Variants in FNBP1 observed in about 807,000 individuals in gnomAD.
FNBP1 encodes the protein formin-binding protein 1.
Under a neutral mutation model 90.6 loss-of-function variants are expected in FNBP1, and 26 were observed. The ratio of observed to expected loss-of-function variants is 0.29; its 90% CI spans 0.21 to 0.40. The LOEUF (loss-of-function observed/expected upper bound fraction) is 0.40. Ranked by LOEUF, FNBP1 falls within the 10% of genes least tolerant of loss-of-function variation. FNBP1 has a pLI of 1.00. For missense variants in FNBP1, 635 were observed against 768.0 expected (o/e 0.83, Z 2.05); for synonymous variants, 260 against 265.2 (o/e 0.98, Z 0.19).
chr9:130,002,390 G>A (rs1329258802), intron 1 of FNBP1, among the ~76,000 whole-genome samples: 4 of 152,062 alleles, frequency 2.6e-5, no homozygotes, highest in Non-Finnish European at 4.4e-5. Context: ...GGGCCTAATG[G>A]GAGGCCTTGG....
intron 8 of FNBP1, among the ~76,000 whole-genome samples, chr9:129,925,593 T>C (rs1428037057): frequency 4.6e-4 from 2 of 4,346 alleles, no homozygotes; most frequent in South Asian, 5.7e-3. Context: ...TAGTAGCTTT[T>C]TTTTTTTTTT....
chr9:129,945,196 A>G (rs1055731678), intron 6 of FNBP1, among the ~76,000 whole-genome samples: 1 of 152,172 alleles, frequency 6.6e-6, no homozygotes, highest in Non-Finnish European at 1.5e-5. Flanking sequence ...TTTCATTTGA[A>G]CCTTGATCCA....
intron 1 of FNBP1, among the ~76,000 whole-genome samples, chr9:130,009,170 A>G (rs980585960): frequency 6.6e-6 from 1 of 152,212 alleles, no homozygotes; most frequent in Non-Finnish European, 1.5e-5. Context: ...AGTTAACACC[A>G]AGGAAAAAGA....
At chr9:129,899,002 A>G (rs1283555238) in intron 15 of FNBP1, among the ~76,000 whole-genome samples, 1 of 152,100 alleles carries the variant, frequency 6.6e-6, no homozygotes, top group East Asian at 1.9e-4. Flanking sequence ...AAAAGTCAAA[A>G]TATACAACCA....
chr9:130,035,654 G>C (rs775430742), intron 1 of FNBP1, among the ~76,000 whole-genome samples: 5 of 152,162 alleles, frequency 3.3e-5, no homozygotes, highest in Non-Finnish European at 7.3e-5. Context: ...GAGACTTTAA[G>C]ATAATAGAGA....
intron 10 of FNBP1, 108 bp downstream of exon 10, chr9:129,923,736 A>G: frequency 2.7e-6 from 3 of 1,114,406 alleles, no homozygotes; most frequent in South Asian, 6.4e-5. Context: ...ACTTTTTTAT[A>G]TGTTATGGGA....
chr9:129,928,206 A>C (rs2042198293), intron 7 of FNBP1, among the ~76,000 whole-genome samples: 1 of 152,236 alleles, frequency 6.6e-6, no homozygotes, highest in Non-Finnish European at 1.5e-5. Flanking sequence ...ATTTTTGACA[A>C]CCTAACATGA....
chr9:129,903,431 A>G (rs1256940632), intron 12 of FNBP1, among the ~76,000 whole-genome samples: 1 of 152,188 alleles, frequency 6.6e-6, no homozygotes, highest in African/African-American at 2.4e-5. Context: ...TAGAGTATGG[A>G]TAAGGGACTA....
At chr9:129,992,148 A>C (rs891706465) in intron 2 of FNBP1, among the ~76,000 whole-genome samples, 28 of 152,198 alleles carry the variant, frequency 1.8e-4, no homozygotes, top group Admixed American at 6.5e-5. Context: ...GATGCTGGGC[A>C]CAGCAATGTG....
Position 130,041,899 on chromosome 9 carries a change from C to T in FNBP1, c.24+1053G>A, listed in dbSNP as rs143270406. On this transcript the variant is annotated intron_variant, in intron 1 of 16. Coordinates refer to ENST00000446176, the MANE Select transcript of FNBP1 (RefSeq NM_015033.3). This position sits in a 1 kb window ranked among gnomAD's most constrained non-coding sequence, Gnocchi z 4.3. The stretch of plus-strand genomic sequence containing the variant: ...ACACCACCCTACACTTTCTCCTCCA[C>T]ACCCTTTGCAAATAGAATTCCAAAA... 2.8e-4 allele frequency among the ~76,000 whole-genome samples: 43 copies of T among 152,330 alleles called. No homozygotes were observed. Among genetic ancestry groups the T allele is most frequent in the African/African-American group, 1.0e-3 (42 of 41,586 alleles).
At chr9:129,918,071 A>G (rs147527695) in intron 10 of FNBP1, among the ~76,000 whole-genome samples, 14 of 152,342 alleles carry the variant, frequency 9.2e-5, no homozygotes, top group African/African-American at 3.1e-4. Context: ...ACGCAAAGTT[A>G]TATATTCTTT....
chr9:130,005,407 T>A (rs915350673), intron 1 of FNBP1, among the ~76,000 whole-genome samples: 4 of 148,002 alleles, frequency 2.7e-5, no homozygotes, highest in Non-Finnish European at 4.5e-5. Context: ...AGTGGTGCGA[T>A]CTCAGCTCAC....
At chr9:129,960,332 C>A (rs922045303) in intron 4 of FNBP1, among the ~76,000 whole-genome samples, 4 of 145,944 alleles carry the variant, frequency 2.7e-5, no homozygotes, top group African/African-American at 1.0e-4. Context: ...TGCACTGAGC[C>A]GAGATCGCGC....
intron 13 of FNBP1, 70 bp downstream of exon 13, chr9:129,902,799 A>C (rs973171699): frequency 2.0e-6 from 3 of 1,535,328 alleles, no homozygotes; most frequent in Middle Eastern, 1.7e-4. Flanking sequence ...TCAGGGCCCC[A>C]CACCATTCTA....
chr9:129,970,330 C>T (rs929743563), intron 4 of FNBP1, among the ~76,000 whole-genome samples: 1 of 151,816 alleles, frequency 6.6e-6, no homozygotes, highest in East Asian at 1.9e-4. Flanking sequence ...CTCAGCCTCC[C>T]GAGTAGCTGG....
intron 2 of FNBP1, among the ~76,000 whole-genome samples, chr9:129,986,384 C>T (rs2052246688): frequency 6.6e-6 from 1 of 151,796 alleles, no homozygotes; most frequent in South Asian, 2.1e-4. Context: ...AGGAAATGAA[C>T]TAAGGACTAA....
chr9:129,912,509 A>G (rs1043964794), intron 11 of FNBP1, among the ~76,000 whole-genome samples: 34 of 151,846 alleles, frequency 2.2e-4, no homozygotes, highest in African/African-American at 7.0e-4. Flanking sequence ...ACCAACATGG[A>G]AAAACCCCGT....
At chr9:129,935,675 G>A (rs1201878314) in intron 6 of FNBP1, among the ~76,000 whole-genome samples, 1 of 152,012 alleles carries the variant, frequency 6.6e-6, no homozygotes, top group Non-Finnish European at 1.5e-5. Context: ...TTTTAGTAGA[G>A]ATGGGGTTTC....
Position 129,888,541 on chromosome 9 carries a change from C to T in FNBP1, c.*1998G>A, listed in dbSNP as rs77261285. The T allele has an allele frequency of 4.9e-3, 1,141 of 232,992 alleles. 15 individuals are homozygous for T. The highest frequency in any genetic ancestry group is 0.024 in the African/African-American group (1,068 of 45,444). The allele number at this position is 232,992 out of a possible 1,614,324, so 14.4% of individuals were successfully genotyped here. ...TCCTGCGTGACTGATGGGTGCACCACGCTTAGGTCACCCGTTGCAGGGACC... is the reference window on the plus strand; with the variant it reads ...TCCTGCGTGACTGATGGGTGCACCATGCTTAGGTCACCCGTTGCAGGGACC... On this transcript the variant is annotated 3_prime_UTR_variant, in exon 17 of 17. Coordinates refer to ENST00000446176, the MANE Select transcript of FNBP1 (RefSeq NM_015033.3).
Sources: allele counts gnomAD v4.1 joint callset (sites outside exome capture counted in the v4.1 genomes callset), GRCh38; gene constraint gnomAD v4.1.1; non-coding constraint Gnocchi (gnomAD v3.1); transcripts MANE v1.5; gene names NCBI Gene and HGNC (gene_info 2026-07-23, HGNC 2026-07-21).